The following POLL variants were observed in gnomAD, a reference collection of about 807,000 sequenced individuals.
POLL encodes the protein DNA polymerase beta-2.
A neutral mutation model predicts 58.1 loss-of-function variants in POLL; 44 were observed. The ratio of observed to expected loss-of-function variants is 0.76; its 90% CI spans 0.60 to 0.97. The LOEUF (loss-of-function observed/expected upper bound fraction) is 0.97. POLL is among the 50% of genes least tolerant of loss of function. The probability of loss-of-function intolerance (pLI) is 0.00; values close to 1 mark genes in which losing one functional copy is unlikely to be tolerated. For missense variants in POLL, 632 were observed against 736.8 expected, an observed-to-expected ratio of 0.86 and a Z score of 1.65; for synonymous variants, 290 against 283.2, an observed-to-expected ratio of 1.02 and a Z score of -0.24.
rs994259004 is a variant in POLL at position 101,579,691 on chromosome 10, C to T, written c.1490G>A (p.Ser497Asn). The T allele has an allele frequency of 6.2e-6, 10 of 1,613,792 alleles. No homozygotes were observed. Among genetic ancestry groups the T allele is most frequent in the Admixed American group, 1.7e-5 (1 of 60,006 alleles). Reference protein sequence around the residue: ...RRLDIIVVPYSEFACALLYFT... With the variant: ...RRLDIIVVPYNEFACALLYFT... ...GTAGAGCAGGGCACAGGCAAACTCG[C>T]TATAGGGCACCACGATGATGTCCAG... is the stretch of plus-strand genomic sequence containing the variant. The change falls in exon 9 of 9, where the codon AGC becomes AAC. Residue 497 changes from serine to asparagine, a missense_variant. Transcript: ENST00000370162. The surrounding 1 kb of genome is among the most constrained non-coding windows in gnomAD (Gnocchi z 4.4).
chr10:101,587,686 G>A (rs1019665769), intron 1 of POLL, 136 bp downstream of exon 1: 1 of 1,028,738 alleles, frequency 9.7e-7, no homozygotes, highest in Non-Finnish European at 1.3e-6. Flanking sequence ...TTGCGCTAAA[G>A]ATTCAGCACA....
chr10:101,588,200 T>G lies in POLL; in HGVS notation c.-425A>C, dbSNP rs1203435006. 1 of 1,538,484 alleles carries G rather than the reference T, an allele frequency of 6.5e-7. No individual in the cohort carries two copies. Among genetic ancestry groups the G allele is most frequent in the Non-Finnish European group, 8.7e-7 (1 of 1,144,260 alleles). ...CCGGGGGTGGGCAGGAATAGACCACTTACCAGCAGAGCCAATGAGAGCGGA... is the reference window on the plus strand; with the variant it reads ...CCGGGGGTGGGCAGGAATAGACCACGTACCAGCAGAGCCAATGAGAGCGGA... On this transcript the variant is annotated 5_prime_UTR_variant, in exon 1 of 9. Coordinates refer to ENST00000370162, the MANE Select transcript of POLL (RefSeq NM_001174084.2).
chr10:101,587,404 C>T lies in POLL; in HGVS notation c.-44G>A, dbSNP rs1311628886. 6.2e-7 allele frequency: 1 copy of T among 1,611,606 alleles called. No homozygotes were observed. Among genetic ancestry groups the T allele is most frequent in the Non-Finnish European group, 8.5e-7 (1 of 1,179,154 alleles). Reference sequence around the variant, plus strand: ...CGGCCTATTGGAGCGTTGGTCAGGGCTGCTGCACGTGGAAATCCAGAATTG... The same window carrying T: ...CGGCCTATTGGAGCGTTGGTCAGGGTTGCTGCACGTGGAAATCCAGAATTG... On this transcript the variant is annotated splice_region_variant and 5_prime_UTR_variant, in exon 2 of 9. Coordinates refer to ENST00000370162, the MANE Select transcript of POLL (RefSeq NM_001174084.2).
At position 101,580,560 on chromosome 10, in the gene POLL, C is replaced by A. The variant is rs1236951890; in HGVS notation, c.1195-144G>T. 5 of 662,534 alleles carry A rather than the reference C, an allele frequency of 7.5e-6. No homozygotes were observed. Among genetic ancestry groups the A allele is most frequent in the African/African-American group, 1.8e-5 (1 of 55,036 alleles). 41.0% of individuals were successfully genotyped at this position (662,534 alleles called of 1,614,324 possible). A position where few individuals can be genotyped will look rare whatever the true frequency, so the allele number is the denominator to read the frequency against. ...CTGCTGCAAGCCCAGGGGAATCCAC[C>A]CTGAGGAGCTGCTGTTCTTTCCCTT... On this transcript the variant is annotated intron_variant, in intron 7 of 8. Coordinates refer to ENST00000370162, the MANE Select transcript of POLL (RefSeq NM_001174084.2). This position sits in a 1 kb window ranked among gnomAD's most constrained non-coding sequence, Gnocchi z 4.1.
chr10:101,579,856 C>T lies in POLL; in HGVS notation c.1364-39G>A. On this transcript the variant is annotated intron_variant, in intron 8 of 8. Transcript: ENST00000370162. The surrounding 1 kb of genome is among the most constrained non-coding windows in gnomAD (Gnocchi z 4.4). Reference sequence around the variant, plus strand: ...GGGGACTGCTGGGAGGGCAGGGAACCAGGCCTGGGCTGTCCCATCCTCCCA... The same window carrying T: ...GGGGACTGCTGGGAGGGCAGGGAACTAGGCCTGGGCTGTCCCATCCTCCCA... 6.3e-7 allele frequency: 1 copy of T among 1,582,692 alleles called. No individual in the cohort carries two copies. The highest frequency in any genetic ancestry group is 1.2e-5 in the South Asian group (1 of 85,032).
At chr10:101,587,520 A>AG in intron 1 of POLL, 114 bp from the exon 2 acceptor site, 2 of 1,170,696 alleles carry the variant, frequency 1.7e-6, no homozygotes, top group Non-Finnish European at 2.3e-6. Context: ...GGGTCGGGGG[A>AG]GGGGGTCTCT....
chr10:101,587,462 G>C, intron 1 of POLL, 56 bp from the exon 2 acceptor site: 1 of 1,561,328 alleles, frequency 6.4e-7, no homozygotes, highest in Non-Finnish European at 8.7e-7. Flanking sequence ...ATGGAGGTAG[G>C]GTCTTTCCTG....
chr10:101,587,922 G>A lies in POLL; in HGVS notation c.-147C>T. Reference sequence around the variant, plus strand: ...CAGCCTCTCGACATGGGGGTGCTCAGCGCCGCAGCTGCGGGGAGATGGGGC... The same window carrying A: ...CAGCCTCTCGACATGGGGGTGCTCAACGCCGCAGCTGCGGGGAGATGGGGC... On this transcript the variant is annotated 5_prime_UTR_variant, in exon 1 of 9. Transcript: ENST00000370162. 1 of 1,223,142 alleles carries A rather than the reference G, an allele frequency of 8.2e-7. No individual in the cohort carries two copies. The highest frequency in any genetic ancestry group is 1.0e-6 in the Non-Finnish European group (1 of 956,828). The allele number at this position is 1,223,142 out of a possible 1,614,324, so 75.8% of individuals were successfully genotyped here. A position where few individuals can be genotyped will look rare whatever the true frequency, so the allele number is the denominator to read the frequency against.
At chr10:101,582,918 C>T in intron 6 of POLL, 27 bp from the exon 7 acceptor site, 1 of 1,614,102 alleles carries the variant, frequency 6.2e-7, no homozygotes, top group South Asian at 1.1e-5. Context: ...AGATGGGAAG[C>T]TGTAAGGATC....
intron 2 of POLL, 30 bp downstream of exon 2, chr10:101,587,216 C>A: frequency 6.2e-7 from 1 of 1,613,882 alleles, no homozygotes; most frequent in Non-Finnish European, 8.5e-7. Flanking sequence ...GGTTCAAGCA[C>A]ACGAGGGTTC....
rs747718878 is a variant in POLL, at chr10:101,579,694, T to G, written c.1487A>C (p.Tyr496Ser). The change falls in exon 9 of 9, where the codon TAT becomes TCT. Residue 496 changes from tyrosine (Y) to serine (S), a missense_variant. Physicochemically the swap from Tyr to Ser is moderately radical, Grantham distance 144 (BLOSUM62 -2). Coordinates refer to ENST00000370162, the MANE Select transcript of POLL (RefSeq NM_001174084.2). This position sits in a 1 kb window ranked among gnomAD's most constrained non-coding sequence, Gnocchi z 4.4. ...HRRLDIIVVP[Y>S]SEFACALLYF... ...GAGCAGGGCACAGGCAAACTCGCTATAGGGCACCACGATGATGTCCAGGCG... is the reference window on the plus strand; with the variant it reads ...GAGCAGGGCACAGGCAAACTCGCTAGAGGGCACCACGATGATGTCCAGGCG... The G allele has an allele frequency of 1.1e-5, 18 of 1,613,858 alleles. No individual in the cohort carries two copies. Among genetic ancestry groups the G allele is most frequent in the Non-Finnish European group, 1.5e-5 (18 of 1,180,016 alleles).
In POLL at chr10:101,584,897, C is replaced by T. The variant is rs779135408; in HGVS notation, c.596G>A (p.Ser199Asn). 1 of 1,426,574 alleles carries T rather than the reference C, an allele frequency of 7.0e-7. No homozygotes were observed. Among genetic ancestry groups the T allele is most frequent in the South Asian group, 1.7e-5 (1 of 57,364 alleles). 88.4% of individuals were successfully genotyped at this position (1,426,574 alleles called of 1,614,324 possible). ...QAQPISDDEA[S>N]DGEETQVSAA... Reference sequence around the variant, plus strand: ...ACTAACCTGGGTTTCTTCCCCATCACTGGCTTCATCATCAGAGATGGGCTT... The same window carrying T: ...ACTAACCTGGGTTTCTTCCCCATCATTGGCTTCATCATCAGAGATGGGCTT... The change falls in exon 5 of 9, where the codon AGT becomes AAT. Residue 199 changes from serine (S) to asparagine (N), a missense_variant. Transcript: ENST00000370162.
At chr10:101,582,665 G>A in intron 7 of POLL, 98 bp downstream of exon 7, 2 of 1,266,286 alleles carry the variant, frequency 1.6e-6, no homozygotes, top group Non-Finnish European at 1.1e-6. Context: ...TCCTCTGCCT[G>A]CTGTCCTCCC....
intron 2 of POLL, among the ~76,000 whole-genome samples, chr10:101,586,371 C>T (rs1213477643): frequency 6.6e-6 from 1 of 152,252 alleles, no homozygotes; most frequent in East Asian, 1.9e-4. Context: ...CAAGGATTTT[C>T]ATACGTCCTG....
intron 6 of POLL, 103 bp downstream of exon 6, chr10:101,583,405 A>G (rs2063113247): frequency 2.3e-6 from 3 of 1,309,812 alleles, no homozygotes; most frequent in Middle Eastern, 2.7e-4. Flanking sequence ...GTGCATTCCC[A>G]TCAGAGCACA....
At chr10:101,585,827 G>C (rs2063295206) in intron 3 of POLL, 35 bp downstream of exon 3, 5 of 1,485,896 alleles carry the variant, frequency 3.4e-6, no homozygotes, top group Admixed American at 2.3e-5. Context: ...GATGCTACTA[G>C]AAAACATTTG....
chr10:101,587,515 G>A (rs555247603), intron 1 of POLL, 109 bp from the exon 2 acceptor site: 3 of 1,497,012 alleles, frequency 2.0e-6, no homozygotes, highest in East Asian at 2.6e-5. Flanking sequence ...GAAGCGGGTC[G>A]GGGGAGGGGG....
intron 7 of POLL, 34 bp downstream of exon 7, chr10:101,582,729 T>C (rs1404910740): frequency 6.2e-7 from 1 of 1,605,498 alleles, no homozygotes; most frequent in Admixed American, 1.7e-5. Context: ...CAGCAGGACC[T>C]GGCTGTCCTC....
At chr10:101,586,253 C>A in intron 2 of POLL, 97 bp from the exon 3 acceptor site, 1 of 1,087,504 alleles carries the variant, frequency 9.2e-7, no homozygotes, top group Non-Finnish European at 1.3e-6. Flanking sequence ...ATCTGAATGA[C>A]GTGTTCACAG....
Sources: gnomAD v4.1 joint callset for allele counts (sites outside exome capture counted in the v4.1 genomes callset) on GRCh38, gnomAD v4.1.1 for gene constraint, Gnocchi (gnomAD v3.1) non-coding constraint, MANE v1.5 for transcripts, NCBI Gene and HGNC (gene_info 2026-07-23, HGNC 2026-07-21) for gene names.